Variants in SVEP1 observed in about 807,000 individuals in gnomAD.
SVEP1 encodes the protein sushi, von Willebrand factor type A, EGF and pentraxin domain-containing protein 1.
A neutral mutation model predicts 367.3 loss-of-function variants in SVEP1; 164 were observed. The ratio of observed to expected loss-of-function variants is 0.45; its 90% confidence interval spans 0.39 to 0.51. The LOEUF (loss-of-function observed/expected upper bound fraction) is 0.51. SVEP1 is among the 20% of genes least tolerant of loss of function. SVEP1 has a pLI of 0.00. For missense variants in SVEP1, 4,117 were observed against 4,425.3 expected, an observed-to-expected ratio of 0.93 and a Z score of 1.98; for synonymous variants, 1,666 against 1,611.6, an observed-to-expected ratio of 1.03 and a Z score of -0.81.
intron 9 of SVEP1, among the ~76,000 whole-genome samples, chr9:110,484,201 C>T (rs73655379): frequency 6.6e-6 from 1 of 152,046 alleles, no homozygotes; most frequent in Non-Finnish European, 1.5e-5. Flanking sequence ...GTGTGAGTGG[C>T]CTATTGCTGG....
At chr9:110,451,844 A>G (rs1257363876) in intron 22 of SVEP1, among the ~76,000 whole-genome samples, 1 of 152,218 alleles carries the variant, frequency 6.6e-6, no homozygotes, top group Non-Finnish European at 1.5e-5. Flanking sequence ...AATTAGGGAA[A>G]CACAGCCAAA....
chr9:110,422,642 A>G (rs1394999750), intron 36 of SVEP1, among the ~76,000 whole-genome samples: 1 of 111,912 alleles, frequency 8.9e-6, no homozygotes, highest in African/African-American at 3.7e-5. Flanking sequence ...AGGACTATAA[A>G]TCATGCTGCT....
chr9:110,400,744 A>G (rs929069435), intron 40 of SVEP1, 110 bp downstream of exon 40: 3 of 1,172,892 alleles, frequency 2.6e-6, no homozygotes, highest in Non-Finnish European at 3.5e-6. Context: ...AAAGTATAAT[A>G]GAATCTTTTG....
chr9:110,495,106 G>A (rs1829426306), intron 8 of SVEP1, among the ~76,000 whole-genome samples: 1 of 152,084 alleles, frequency 6.6e-6, no homozygotes, highest in Non-Finnish European at 1.5e-5. Flanking sequence ...CTGAACAGAA[G>A]CCATTCACAA....
chr9:110,457,183 A>G, intron 21 of SVEP1, 73 bp downstream of exon 21: 1 of 1,245,186 alleles, frequency 8.0e-7, no homozygotes, highest in Non-Finnish European at 1.1e-6. Context: ...TTAATGTACT[A>G]AAGTTTGATA....
intron 43 of SVEP1, among the ~76,000 whole-genome samples, chr9:110,383,738 C>G (rs1227227916): frequency 1.3e-5 from 2 of 152,182 alleles, no homozygotes; most frequent in Non-Finnish European, 2.9e-5. Flanking sequence ...AGACCATGGC[C>G]ACATGGAGCC....
intron 3 of SVEP1, among the ~76,000 whole-genome samples, chr9:110,523,018 A>G (rs1829895610): frequency 6.6e-6 from 1 of 152,154 alleles, no homozygotes; most frequent in African/African-American, 2.4e-5. Flanking sequence ...TGCTTTTATC[A>G]TGCCACTTTT....
At chr9:110,449,883 A>C (rs1469968034) in intron 24 of SVEP1, among the ~76,000 whole-genome samples, 176 bp downstream of exon 24, 1 of 152,156 alleles carries the variant, frequency 6.6e-6, no homozygotes, top group African/African-American at 2.4e-5. Context: ...GATAGGCTCT[A>C]CTTCAGGCTT....
chr9:110,550,207 A>T, intron 1 of SVEP1, 103 bp from the exon 2 acceptor site: 2 of 1,472,032 alleles, frequency 1.4e-6, no homozygotes, highest in Non-Finnish European at 1.9e-6. Flanking sequence ...TTAGTATTTC[A>T]CAGGCATGAG....
intron 16 of SVEP1, among the ~76,000 whole-genome samples, chr9:110,469,402 G>C (rs529583798): frequency 6.6e-6 from 1 of 152,118 alleles, no homozygotes. Flanking sequence ...AGATCATCAC[G>C]GGAAAGACAG....
chr9:110,529,379 CT>C (rs1416998441), intron 3 of SVEP1, among the ~76,000 whole-genome samples: 2 of 151,858 alleles, frequency 1.3e-5, no homozygotes, highest in Non-Finnish European at 2.9e-5. Flanking sequence ...TTTTAAGATT[CT>C]TTTTTTGTTC....
intron 17 of SVEP1, among the ~76,000 whole-genome samples, chr9:110,467,070 T>C (rs750334012): frequency 2.7e-4 from 41 of 152,124 alleles, no homozygotes; most frequent in South Asian, 1.5e-3. Flanking sequence ...AGCACTGCTC[T>C]AGAGTTTATA....
At chr9:110,482,318 G>T in intron 11 of SVEP1, 43 bp downstream of exon 11, 1 of 1,593,442 alleles carries the variant, frequency 6.3e-7, no homozygotes, top group Non-Finnish European at 8.5e-7. Context: ...AATGACATGT[G>T]TCAAATGTCA....
At chr9:110,561,955 C>G (rs1281794513) in intron 1 of SVEP1, among the ~76,000 whole-genome samples, 1 of 151,962 alleles carries the variant, frequency 6.6e-6, no homozygotes, top group Non-Finnish European at 1.5e-5. Flanking sequence ...ACAGAAGAAC[C>G]AGAGGGTCAA....
chr9:110,445,349 C>T (rs756019598), intron 26 of SVEP1, among the ~76,000 whole-genome samples: 4 of 152,168 alleles, frequency 2.6e-5, no homozygotes, highest in Non-Finnish European at 5.9e-5. Flanking sequence ...AAAATATGCA[C>T]ACTGAGTTTG....
rs751340235 is a variant in SVEP1, at chr9:110,429,051, A to G, written c.5807+92T>C. The G allele has an allele frequency of 1.3e-3, 1,361 of 1,082,370 alleles. 5 individuals carry two copies. Among genetic ancestry groups the G allele is most frequent in the South Asian group, 1.5e-3 (79 of 53,356 alleles). The allele number at this position is 1,082,370 out of a possible 1,614,324, so 67.0% of individuals were successfully genotyped here. On this transcript the variant is annotated intron_variant, in intron 35 of 47. Coordinates refer to ENST00000374469, the MANE Select transcript of SVEP1 (RefSeq NM_153366.4). ...GCCACTGCACTCTAGCCTGAGTGTCACAGTGAGACCATGTCTCAAAAAAAT... is the reference window on the plus strand; with the variant it reads ...GCCACTGCACTCTAGCCTGAGTGTCGCAGTGAGACCATGTCTCAAAAAAAT...
At chr9:110,578,945 C>G (rs1040571091) in intron 1 of SVEP1, 68 bp downstream of exon 1, 3 of 1,503,780 alleles carry the variant, frequency 2.0e-6, no homozygotes, top group Non-Finnish European at 2.7e-6. Context: ...GGGATAGAGA[C>G]GGGCAGGCAG....
At chr9:110,544,763 G>A (rs537000423) in intron 3 of SVEP1, among the ~76,000 whole-genome samples, 11 of 151,742 alleles carry the variant, frequency 7.2e-5, no homozygotes, top group South Asian at 6.3e-4. Context: ...TCATTTATTC[G>A]TGTTGGGAAC....
At chr9:110,402,458 G>C (rs1827878432) in intron 39 of SVEP1, among the ~76,000 whole-genome samples, 1 of 152,008 alleles carries the variant, frequency 6.6e-6, no homozygotes, top group African/African-American at 2.4e-5. Flanking sequence ...GTTTTACACA[G>C]TTTACACCTT....
Sources: gnomAD v4.1 joint callset for allele counts (sites outside exome capture counted in the v4.1 genomes callset) on GRCh38, gnomAD v4.1.1 for gene constraint, MANE v1.5 for transcripts, NCBI Gene and HGNC (gene_info 2026-07-23, HGNC 2026-07-21) for gene names.